ARHGAP29: variants seen among roughly 807,000 people sequenced by gnomAD.
The protein encoded by ARHGAP29 is rho GTPase-activating protein 29.
Under a neutral mutation model 122.6 loss-of-function variants are expected in ARHGAP29, and 43 were observed. The observed-to-expected ratio is 0.35, with a 90% CI of 0.27 to 0.45. The LOEUF (loss-of-function observed/expected upper bound fraction) is 0.45. ARHGAP29 is among the 20% of genes least tolerant of loss of function. ARHGAP29 has a pLI of 1.00. For synonymous variants in ARHGAP29, 506 were observed against 497.1 expected (o/e 1.02, Z -0.24); for missense variants, 1,303 against 1,477.2 (o/e 0.88, Z 1.93).
At chr1:94,196,112 T>C (rs1029246820) in intron 12 of ARHGAP29, among the ~76,000 whole-genome samples, 2 of 152,016 alleles carry the variant, frequency 1.3e-5, no homozygotes, top group African/African-American at 2.4e-5. Flanking sequence ...ATAAATTACA[T>C]CTTAAAACAA....
intron 19 of ARHGAP29, among the ~76,000 whole-genome samples, chr1:94,183,207 T>C (rs1364119328): frequency 6.6e-6 from 1 of 151,916 alleles, no homozygotes; most frequent in East Asian, 1.9e-4. Context: ...AAAAAAAATT[T>C]TTTTTTTTAA....
upstream of ARHGAP29, chr1:94,237,819 G>C: frequency 3.1e-6 from 3 of 968,584 alleles, no homozygotes; most frequent in Non-Finnish European, 3.7e-6. Flanking sequence ...GGGACAGGCA[G>C]AGCGACTCAG....
chr1:94,244,953 AC>A (rs1286693759), intron 1 of ARHGAP29, among the ~76,000 whole-genome samples: 2 of 152,212 alleles, frequency 1.3e-5, no homozygotes, highest in African/African-American at 2.4e-5. Flanking sequence ...CATATGCTGC[AC>A]AAAAGAAGAT....
chr1:94,197,899 A>C (rs981912859), intron 12 of ARHGAP29, among the ~76,000 whole-genome samples: 10 of 152,230 alleles, frequency 6.6e-5, no homozygotes, highest in African/African-American at 2.4e-4. Context: ...TTTATGATGA[A>C]AGACTGAGTG....
At chr1:94,232,860 T>G (rs1279636045) in intron 1 of ARHGAP29, among the ~76,000 whole-genome samples, 1 of 152,058 alleles carries the variant, frequency 6.6e-6, no homozygotes, top group Non-Finnish European at 1.5e-5. Context: ...TATTTTGTCT[T>G]GAATATTTGG....
intron 1 of ARHGAP29, among the ~76,000 whole-genome samples, chr1:94,243,772 T>A (rs963964441): frequency 6.6e-6 from 1 of 151,954 alleles, no homozygotes; most frequent in African/African-American, 2.4e-5. Flanking sequence ...AAGATTAAAT[T>A]GATAAATATC....
chr1:94,175,439 C>G (rs1448389670), intron 22 of ARHGAP29, among the ~76,000 whole-genome samples: 1 of 152,198 alleles, frequency 6.6e-6, no homozygotes, highest in Non-Finnish European at 1.5e-5. Context: ...TTCCAGCCCT[C>G]CATTCTCCTG....
chr1:94,282,904 CAA>C, the ARHGAP29 span, among the ~76,000 whole-genome samples: 1 of 152,130 alleles, frequency 6.6e-6, no homozygotes, highest in African/African-American at 2.4e-5. Context: ...CTAAATAACT[CAA>C]GTCTAGTTCA....
chr1:94,294,682 G>A, the ARHGAP29 span, among the ~76,000 whole-genome samples: 2 of 152,162 alleles, frequency 1.3e-5, no homozygotes, highest in South Asian at 2.1e-4. Flanking sequence ...GTGACCACTG[G>A]CAGTGAATAA....
the ARHGAP29 span, among the ~76,000 whole-genome samples, chr1:94,305,731 G>A: frequency 6.6e-6 from 1 of 152,126 alleles, no homozygotes; most frequent in Non-Finnish European, 1.5e-5. Flanking sequence ...GAGAGAGTGG[G>A]AATAGAGGTG....
the ARHGAP29 span, among the ~76,000 whole-genome samples, chr1:94,301,498 A>G: frequency 6.6e-6 from 1 of 152,142 alleles, no homozygotes; most frequent in Non-Finnish European, 1.5e-5. Flanking sequence ...AAGGACTCTG[A>G]TTGCACCCAT....
chr1:94,251,459 T>C (rs1199942040), intron 1 of ARHGAP29, among the ~76,000 whole-genome samples: 1 of 152,158 alleles, frequency 6.6e-6, no homozygotes, highest in Non-Finnish European at 1.5e-5. Flanking sequence ...ATTTTATAAA[T>C]GAAAAGCTGA....
the ARHGAP29 span, among the ~76,000 whole-genome samples, chr1:94,288,845 C>T: frequency 2.0e-5 from 3 of 152,098 alleles, no homozygotes; most frequent in African/African-American, 7.2e-5. Flanking sequence ...CTGTTCTGTT[C>T]CATTGGTCTA....
At chr1:94,289,873 G>A in the ARHGAP29 span, among the ~76,000 whole-genome samples, 62 of 152,286 alleles carry the variant, frequency 4.1e-4, no homozygotes, top group African/African-American at 1.4e-3. Context: ...GCTTTTTGAT[G>A]TCCTGCTGGA....
intron 1 of ARHGAP29, among the ~76,000 whole-genome samples, chr1:94,260,932 G>A (rs1220777465): frequency 6.6e-6 from 1 of 152,150 alleles, no homozygotes; most frequent in Admixed American, 6.5e-5. Context: ...GCATAGCTGT[G>A]CAGCTGTTGA....
the ARHGAP29 span, among the ~76,000 whole-genome samples, chr1:94,299,581 G>C: frequency 6.6e-6 from 1 of 152,156 alleles, no homozygotes; most frequent in South Asian, 2.1e-4. Flanking sequence ...AATTTTTTCG[G>C]TGGTGGGGGG....
chr1:94,286,392 G>C, the ARHGAP29 span, among the ~76,000 whole-genome samples: 9 of 152,296 alleles, frequency 5.9e-5, no homozygotes, highest in African/African-American at 2.2e-4. Context: ...TTTAGTCTGA[G>C]CATGGTGGCT....
chr1:94,305,041 A>T, the ARHGAP29 span, among the ~76,000 whole-genome samples: 1 of 152,268 alleles, frequency 6.6e-6, no homozygotes, highest in Admixed American at 6.5e-5. Context: ...TATCTCAAAA[A>T]ACAAAAGAGG....
At chr1:94,260,779 A>G (rs1388238653) in intron 1 of ARHGAP29, among the ~76,000 whole-genome samples, 1 of 152,198 alleles carries the variant, frequency 6.6e-6, no homozygotes, top group Admixed American at 6.5e-5. Flanking sequence ...AGTCAAACAG[A>G]GACAAGAACA....
Sources: gnomAD v4.1 joint callset for allele counts (sites outside exome capture counted in the v4.1 genomes callset) on GRCh38, gnomAD v4.1.1 for gene constraint, MANE v1.5 for transcripts, NCBI Gene and HGNC (gene_info 2026-07-23, HGNC 2026-07-21) for gene names.